Variants in TRAPPC8 observed in about 807,000 individuals in gnomAD.
TRAPPC8 encodes general sporulation gene 1 homolog.
A neutral mutation model predicts 174.3 loss-of-function variants in TRAPPC8; 54 were observed. The observed-to-expected ratio is 0.31, with a 90% CI of 0.25 to 0.39. The LOEUF (loss-of-function observed/expected upper bound fraction) is 0.39. Among genes scored for constraint, TRAPPC8 ranks in the 10% least tolerant of loss-of-function variants. The probability of loss-of-function intolerance (pLI) is 1.00; values close to 1 mark genes in which losing one functional copy is unlikely to be tolerated. For missense variants in TRAPPC8, 1,531 were observed against 1,699.1 expected, an observed-to-expected ratio of 0.90 and a Z score of 1.74; for synonymous variants, 630 against 579.9, an observed-to-expected ratio of 1.09 and a Z score of -1.24.
chr18:31,864,071 AAT>A (rs1206609232), intron 19 of TRAPPC8, among the ~76,000 whole-genome samples: 151 of 147,330 alleles, frequency 1.0e-3, no homozygotes, highest in African/African-American at 3.7e-3. Flanking sequence ...TGTATTATAT[AAT>A]ATATATGTTC....
chr18:31,849,739 T>A lies in TRAPPC8; in HGVS notation c.3562A>T (p.Ile1188Leu), dbSNP rs752546004. The A allele has an allele frequency of 1.9e-6, 3 of 1,587,760 alleles. No individual in the cohort carries two copies. Among genetic ancestry groups the A allele is most frequent in the African/African-American group, 2.7e-5 (2 of 73,338 alleles). ...GCACATGGGCTTGCTGAACTTATTATCTGTTAAAAGAAAATCACTTGTGTT... is the reference window on the plus strand; with the variant it reads ...GCACATGGGCTTGCTGAACTTATTAACTGTTAAAAGAAAATCACTTGTGTT... ...FADIIFGNEQIISSASPCADF... is the reference protein window; with the variant it reads ...FADIIFGNEQLISSASPCADF... The change falls in exon 25 of 29, where the codon ATA becomes TTA. Residue 1188 changes from isoleucine to leucine, a missense_variant and splice_region_variant. Coordinates refer to ENST00000283351, the MANE Select transcript of TRAPPC8 (RefSeq NM_014939.5).
rs368932309 is a variant in TRAPPC8, at chr18:31,933,602, G to A, written c.158-2079C>T. 5.9e-5 allele frequency among the ~76,000 whole-genome samples: 9 copies of A among 152,146 alleles called. No homozygotes were observed. In the East Asian group the frequency reaches 9.6e-4, roughly 16 times the overall value. On this transcript the variant is annotated intron_variant, in intron 1 of 28. Transcript: ENST00000283351. ...AGATACAACATCACCTATTTCACCT[G>A]CACCATGGGTTATTATCACATACAA... is the stretch of plus-strand genomic sequence containing the variant.
chr18:31,851,747 CCTT>C (rs2033714764), intron 24 of TRAPPC8, among the ~76,000 whole-genome samples: 3 of 151,954 alleles, frequency 2.0e-5, no homozygotes, highest in Non-Finnish European at 1.5e-5. Context: ...TATGTATCTA[CCTT>C]ATTATCTGGG....
chr18:31,942,441 G>A, intron 1 of TRAPPC8, 167 bp downstream of exon 1: 1 of 843,376 alleles, frequency 1.2e-6, no homozygotes, highest in Non-Finnish European at 1.7e-6. Context: ...CAACCTCACG[G>A]TCCCTCCTCC....
chr18:31,940,719 G>C (rs932708984), intron 1 of TRAPPC8, among the ~76,000 whole-genome samples: 1 of 151,824 alleles, frequency 6.6e-6, no homozygotes, highest in Non-Finnish European at 1.5e-5. Context: ...GGATGGTCTC[G>C]AACTCCTGAC....
intron 26 of TRAPPC8, among the ~76,000 whole-genome samples, chr18:31,846,334 G>A (rs947992905): frequency 6.6e-6 from 1 of 152,136 alleles, no homozygotes; most frequent in Non-Finnish European, 1.5e-5. Flanking sequence ...AGCACTTTGG[G>A]AGGCCAAGGC....
intron 2 of TRAPPC8, among the ~76,000 whole-genome samples, chr18:31,923,286 T>TG (rs1318661304): frequency 6.6e-6 from 1 of 151,636 alleles, no homozygotes; most frequent in Non-Finnish European, 1.5e-5. Flanking sequence ...AGTACCTAAG[T>TG]GGGGAAAAAA....
At chr18:31,924,266 CAAG>C (rs1485263479) in intron 2 of TRAPPC8, among the ~76,000 whole-genome samples, 5 of 143,622 alleles carry the variant, frequency 3.5e-5, no homozygotes, top group Non-Finnish European at 6.0e-5. Flanking sequence ...GCCTGGGCAA[CAAG>C]AGCAAGAATC....
At chr18:31,875,982 T>C (rs2145233390) in intron 12 of TRAPPC8, among the ~76,000 whole-genome samples, 1 of 152,224 alleles carries the variant, frequency 6.6e-6, no homozygotes, top group Non-Finnish European at 1.5e-5. Flanking sequence ...AAATAAGACC[T>C]AGCGTTAGAC....
At chr18:31,934,497 G>GAAAC (rs534132265) in intron 1 of TRAPPC8, among the ~76,000 whole-genome samples, 6 of 151,998 alleles carry the variant, frequency 3.9e-5, no homozygotes, top group East Asian at 1.9e-4. Flanking sequence ...ATGCAGCAGA[G>GAAAC]AAACAAACAA....
At chr18:31,867,715 G>A (rs1438158370) in intron 16 of TRAPPC8, among the ~76,000 whole-genome samples, 4 of 151,988 alleles carry the variant, frequency 2.6e-5, no homozygotes, top group African/African-American at 9.7e-5. Context: ...CAACTGAGAA[G>A]GATAAGCAAT....
At chr18:31,902,982 G>A (rs559220339) in intron 9 of TRAPPC8, among the ~76,000 whole-genome samples, 3 of 151,654 alleles carry the variant, frequency 2.0e-5, no homozygotes, top group Admixed American at 6.6e-5. Context: ...CCCGGGGAGC[G>A]GAGCCTGCAG....
At chr18:31,890,646 T>C in intron 12 of TRAPPC8, 89 bp downstream of exon 12, 1 of 1,470,300 alleles carries the variant, frequency 6.8e-7, no homozygotes. Flanking sequence ...ATTTAGTTTT[T>C]AAGATCCTTT....
intron 1 of TRAPPC8, among the ~76,000 whole-genome samples, chr18:31,932,427 CAA>C (rs1360020262): frequency 1.6e-5 from 2 of 121,824 alleles, no homozygotes. Flanking sequence ...ACTTGGTCTC[CAA>C]AAAAAAAAAA....
intron 16 of TRAPPC8, 44 bp from the exon 17 acceptor site, chr18:31,867,520 T>A: frequency 7.8e-7 from 1 of 1,286,192 alleles, no homozygotes; most frequent in Non-Finnish European, 1.1e-6. Flanking sequence ...ATGAACAAAG[T>A]ATCAGATTAT....
At chr18:31,840,932 T>C (rs2033058798) in intron 26 of TRAPPC8, among the ~76,000 whole-genome samples, 1 of 151,756 alleles carries the variant, frequency 6.6e-6, no homozygotes, top group Admixed American at 6.6e-5. Flanking sequence ...AAAGACAAAT[T>C]TTAAAAAACA....
intron 16 of TRAPPC8, among the ~76,000 whole-genome samples, chr18:31,868,011 T>G (rs2034671758): frequency 6.6e-6 from 1 of 152,206 alleles, no homozygotes. Context: ...TTTCTTCTTT[T>G]GCTCTGACCA....
intron 2 of TRAPPC8, among the ~76,000 whole-genome samples, chr18:31,928,531 T>G (rs1032886575): frequency 2.0e-5 from 3 of 150,778 alleles, no homozygotes; most frequent in Non-Finnish European, 3.0e-5. Context: ...CTCTTAAAAA[T>G]AAGAAAAAAA....
intron 20 of TRAPPC8, among the ~76,000 whole-genome samples, chr18:31,856,876 A>G (rs928133382): frequency 8.1e-5 from 12 of 147,334 alleles, no homozygotes; most frequent in Non-Finnish European, 1.5e-4. Flanking sequence ...CAACGGTATA[A>G]TCACGGCTCT....
Sources: allele counts gnomAD v4.1 joint callset (sites outside exome capture counted in the v4.1 genomes callset), GRCh38; gene constraint gnomAD v4.1.1; transcripts MANE v1.5; gene names NCBI Gene and HGNC (gene_info 2026-07-23, HGNC 2026-07-21).